RIN2: variants seen among roughly 807,000 people sequenced by gnomAD.
RIN2 encodes the protein Ras and Rab interactor 2, also known as RAB5 interacting protein 2.
Under a neutral mutation model 78.0 loss-of-function variants are expected in RIN2, and 36 were observed. The ratio of observed to expected loss-of-function variants is 0.46; its 90% confidence interval spans 0.35 to 0.61. The LOEUF (loss-of-function observed/expected upper bound fraction) is 0.61, where lower values mean the gene tolerates loss of function less well. RIN2 is among the 20% of genes least tolerant of loss of function. RIN2 has a pLI of 0.00. For synonymous variants in RIN2, 466 were observed against 466.8 expected (o/e 1.00, Z 0.02); for missense variants, 1,087 against 1,159.7 (o/e 0.94, Z 0.91).
chr20:19,831,968 A>T (rs2036263327), intron 2 of RIN2, among the ~76,000 whole-genome samples: 1 of 152,168 alleles, frequency 6.6e-6, no homozygotes, highest in East Asian at 1.9e-4. Flanking sequence ...ATGAATAATA[A>T]CAATTATAAT....
chr20:19,950,344 T>C (rs184251186), intron 4 of RIN2, among the ~76,000 whole-genome samples: 69 of 152,312 alleles, frequency 4.5e-4, no homozygotes, highest in South Asian at 6.2e-4. Context: ...CACCTAGACA[T>C]AGTGGGAATG....
chr20:19,760,880 TTG>T (rs574608143), intron 1 of RIN2, among the ~76,000 whole-genome samples: 11 of 152,262 alleles, frequency 7.2e-5, no homozygotes, highest in African/African-American at 2.2e-4. Context: ...CCAGAATTCC[TTG>T]TGTGTGTGTA....
intron 12 of RIN2, among the ~76,000 whole-genome samples, chr20:19,999,278 TA>T (rs200619405): frequency 6.6e-6 from 1 of 150,768 alleles, no homozygotes; most frequent in Non-Finnish European, 1.5e-5. Flanking sequence ...CCCTGTCTCT[TA>T]AAAAAAAAGG....
intron 2 of RIN2, among the ~76,000 whole-genome samples, chr20:19,815,318 A>G (rs1213368252): frequency 6.6e-6 from 1 of 152,364 alleles, no homozygotes; most frequent in Admixed American, 6.5e-5. Context: ...TTTAAGCAAA[A>G]GCTAAAATTT....
chr20:19,994,876 C>A (rs1410935583), intron 11 of RIN2, among the ~76,000 whole-genome samples: 1 of 152,106 alleles, frequency 6.6e-6, no homozygotes, highest in Non-Finnish European at 1.5e-5. Flanking sequence ...GTGGCAAGGT[C>A]TGGAAAACCC....
At chr20:19,830,727 T>A (rs1401096175) in intron 2 of RIN2, among the ~76,000 whole-genome samples, 1 of 152,212 alleles carries the variant, frequency 6.6e-6, no homozygotes, top group Non-Finnish European at 1.5e-5. Flanking sequence ...AGGGACTTGT[T>A]GCCCGGCTGC....
chr20:19,943,949 G>T, intron 4 of RIN2, among the ~76,000 whole-genome samples: 1 of 139,988 alleles, frequency 7.1e-6, no homozygotes, highest in South Asian at 2.5e-4. Context: ...ATATTACAGA[G>T]ACATGTTTAA....
chr20:19,926,954 C>T (rs751280326), intron 3 of RIN2, among the ~76,000 whole-genome samples: 39 of 152,334 alleles, frequency 2.6e-4, no homozygotes, highest in African/African-American at 6.0e-4. Context: ...GGGTTCCTCC[C>T]TTTTCCCTCC....
At chr20:19,842,009 C>T (rs2036592374) in intron 2 of RIN2, among the ~76,000 whole-genome samples, 1 of 152,164 alleles carries the variant, frequency 6.6e-6, no homozygotes, top group African/African-American at 2.4e-5. Context: ...GAAGTCAATG[C>T]TTGGCTTCAA....
chr20:19,886,635 A>C, intron 2 of RIN2: 1 of 526,312 alleles, frequency 1.9e-6, no homozygotes, highest in Non-Finnish European at 2.8e-6. Flanking sequence ...TTTTTTTGCT[A>C]GCTTTTAGCT....
At chr20:19,956,573 G>A in intron 4 of RIN2, 42 bp from the exon 5 acceptor site, 1 of 1,583,924 alleles carries the variant, frequency 6.3e-7, no homozygotes, top group Non-Finnish European at 8.6e-7. Flanking sequence ...TTAGGGAAAT[G>A]GTACTGCAGC....
chr20:19,771,096 G>T (rs989800415), intron 1 of RIN2, among the ~76,000 whole-genome samples: 1 of 152,214 alleles, frequency 6.6e-6, no homozygotes, highest in Non-Finnish European at 1.5e-5. Context: ...CAGCTTCCAA[G>T]AAGCTTTCTG....
intron 10 of RIN2, among the ~76,000 whole-genome samples, chr20:19,991,028 A>C (rs1350648668): frequency 6.6e-6 from 1 of 152,196 alleles, no homozygotes; most frequent in Non-Finnish European, 1.5e-5. Flanking sequence ...GGAGCCCTGC[A>C]TTGTCCCAGG....
chr20:19,831,813 G>A (rs959518293), intron 2 of RIN2, among the ~76,000 whole-genome samples: 5 of 152,144 alleles, frequency 3.3e-5, no homozygotes, highest in African/African-American at 9.7e-5. Flanking sequence ...CATATGGAAA[G>A]TTAAATAGTA....
At chr20:19,836,430 A>G (rs1024399272) in intron 2 of RIN2, among the ~76,000 whole-genome samples, 1 of 152,224 alleles carries the variant, frequency 6.6e-6, no homozygotes, top group African/African-American at 2.4e-5. Context: ...TGTAATTCTC[A>G]TTACAGATCA....
chr20:19,996,591 A>AAACATGTATTTTTGTATTTCT (rs1202167789), intron 11 of RIN2, 88 bp from the exon 12 acceptor site: 4 of 1,353,836 alleles, frequency 3.0e-6, no homozygotes, highest in Non-Finnish European at 4.2e-6. Flanking sequence ...TAAAAATACA[A>AAACATGTATTTTTGTATTTCT]AACATGCCTT....
In RIN2 at chr20:19,975,209, G is replaced by C; in HGVS notation, c.1184G>C (p.Ser395Thr). Reference sequence around the variant, plus strand: ...GAGCTGGAGCTGGGCACAGCTGGCAGCCCAGGTGGGGCCCCGCCTGAGGCC... The same window carrying C: ...GAGCTGGAGCTGGGCACAGCTGGCACCCCAGGTGGGGCCCCGCCTGAGGCC... Reference protein sequence around the residue: ...GPELELGTAGSPGGAPPEAAP... With the variant: ...GPELELGTAGTPGGAPPEAAP... The change falls in exon 9 of 13, where the codon AGC (serine) becomes ACC (threonine). Residue 395 changes from serine to threonine, a missense_variant. Ser to Thr is a moderately conservative substitution (Grantham distance 58). Around this residue, in one of 8 missense-constraint regions of RIN2, gnomAD observed 706 missense variants for 667.5 expected, o/e 1.06. Transcript: ENST00000255006. This position sits in a 1 kb window ranked among gnomAD's most constrained non-coding sequence, Gnocchi z 4.9. The C allele has an allele frequency of 6.3e-7, 1 of 1,595,858 alleles. No individual in the cohort carries two copies. Among genetic ancestry groups the C allele is most frequent in the Non-Finnish European group, 8.5e-7 (1 of 1,171,454 alleles).
intron 10 of RIN2, among the ~76,000 whole-genome samples, chr20:19,991,359 C>T (rs2042792098): frequency 6.6e-6 from 1 of 152,202 alleles, no homozygotes; most frequent in Non-Finnish European, 1.5e-5. Context: ...CCAAATAATT[C>T]AGAAGGATTA....
chr20:19,904,672 G>A (rs1210154100), intron 3 of RIN2, among the ~76,000 whole-genome samples: 2 of 152,214 alleles, frequency 1.3e-5, no homozygotes, highest in African/African-American at 4.8e-5. Context: ...GGGGCAGGAT[G>A]CCAGTCATGC....
Sources: allele counts gnomAD v4.1 joint callset (sites outside exome capture counted in the v4.1 genomes callset), GRCh38; gene constraint gnomAD v4.1.1; regional missense constraint gnomAD v4.1.1; non-coding constraint Gnocchi (gnomAD v3.1); transcripts MANE v1.5; gene names NCBI Gene and HGNC (gene_info 2026-07-23, HGNC 2026-07-21).